Variants in CCDC7 observed in about 807,000 individuals in gnomAD.
CCDC7 encodes the protein coiled-coil domain-containing protein 7.
CCDC7 carries 183 observed loss-of-function variants against 196.9 expected under a neutral mutation model. The ratio of observed to expected loss-of-function variants is 0.93; its 90% confidence interval spans 0.82 to 1.05. The LOEUF is 1.05. CCDC7 is among the 50% of genes least tolerant of loss of function. CCDC7 has a pLI of 0.00. For missense variants in CCDC7, 1,540 were observed against 1,482.2 expected (o/e 1.04, Z -0.64); for synonymous variants, 525 against 484.6 (o/e 1.08, Z -1.10).
intron 29 of CCDC7, among the ~76,000 whole-genome samples, chr10:32,779,403 C>T (rs1167507539): frequency 1.3e-5 from 2 of 152,134 alleles, no homozygotes. Context: ...TCCTTGAGGA[C>T]ATAGTTGTAA....
chr10:32,778,250 T>G (rs1414353748), intron 28 of CCDC7, among the ~76,000 whole-genome samples: 1 of 152,194 alleles, frequency 6.6e-6, no homozygotes, highest in Non-Finnish European at 1.5e-5. Context: ...TAGCCATACA[T>G]TCTTTGCCAA....
chr10:32,793,991 A>G (rs987728061), intron 29 of CCDC7, among the ~76,000 whole-genome samples: 2 of 152,114 alleles, frequency 1.3e-5, no homozygotes, highest in African/African-American at 2.4e-5. Context: ...GGTTCAGGGT[A>G]TATGTGGAGG....
At chr10:32,515,475 C>G (rs2046866568) in intron 9 of CCDC7, among the ~76,000 whole-genome samples, 2 of 152,140 alleles carry the variant, frequency 1.3e-5, no homozygotes, top group African/African-American at 4.8e-5. Context: ...AAAGAAAAGT[C>G]TTTTTAATAA....
chr10:32,774,109 A>C (rs2079584710), intron 28 of CCDC7, among the ~76,000 whole-genome samples: 1 of 152,174 alleles, frequency 6.6e-6, no homozygotes. Flanking sequence ...GATCAAGAGG[A>C]GGCTTCACAT....
intron 9 of CCDC7, chr10:32,512,452 A>G (rs1248648235): frequency 6.6e-6 from 1 of 152,258 alleles, no homozygotes; most frequent in Admixed American, 6.5e-5. Flanking sequence ...TAATTCTAAC[A>G]TGGCAAATTC....
At chr10:32,683,346 G>T (rs933274174) in intron 21 of CCDC7, among the ~76,000 whole-genome samples, 8 of 152,162 alleles carry the variant, frequency 5.3e-5, no homozygotes, top group African/African-American at 1.9e-4. Context: ...CATTTCCTTG[G>T]TCTATGTGTA....
intron 23 of CCDC7, among the ~76,000 whole-genome samples, chr10:32,690,877 T>C (rs947768223): frequency 1.3e-5 from 2 of 152,186 alleles, no homozygotes; most frequent in Non-Finnish European, 2.9e-5. Flanking sequence ...AAATGGAGTT[T>C]TGCAGTTGTC....
At chr10:32,742,342 C>T (rs2086000007) in intron 28 of CCDC7, among the ~76,000 whole-genome samples, 1 of 152,142 alleles carries the variant, frequency 6.6e-6, no homozygotes, top group Non-Finnish European at 1.5e-5. Flanking sequence ...ACTGACACCA[C>T]ATTATCACCC....
At chr10:32,724,304 G>A (rs2082814126) in intron 25 of CCDC7, among the ~76,000 whole-genome samples, 1 of 152,080 alleles carries the variant, frequency 6.6e-6, no homozygotes. Context: ...GATCCTCGGG[G>A]TTCTTTTCTT....
exon 20 of CCDC7, chr10:32,635,076 A>G: frequency 2.5e-6 from 1 of 398,750 alleles, no homozygotes; most frequent in Non-Finnish European, 4.4e-6. Flanking sequence ...CAACCCCACA[A>G]TTGCCTGAGG....
At chr10:32,515,601 T>C (rs1208858544) in intron 9 of CCDC7, among the ~76,000 whole-genome samples, 1 of 152,172 alleles carries the variant, frequency 6.6e-6, no homozygotes, top group Non-Finnish European at 1.5e-5. Flanking sequence ...TGGAGTGCAG[T>C]GGCACAATCT....
At chr10:32,463,148 G>C in intron 5 of CCDC7, 99 bp downstream of exon 6, 3 of 1,443,930 alleles carry the variant, frequency 2.1e-6, no homozygotes, top group Non-Finnish European at 2.8e-6. Flanking sequence ...AGTCATTTTT[G>C]AATAACTGTT....
intron 41 of CCDC7, among the ~76,000 whole-genome samples, chr10:32,858,870 A>G (rs148689134): frequency 0.012 from 1,775 of 152,284 alleles, 22 homozygotes; most frequent in South Asian, 0.019. Flanking sequence ...AGAGCTAACT[A>G]TCCTAAATAT....
intron 11 of CCDC7, among the ~76,000 whole-genome samples, chr10:32,542,581 C>T (rs2051641283): frequency 2.9e-5 from 4 of 135,900 alleles, no homozygotes; most frequent in Admixed American, 8.8e-5. Flanking sequence ...TGCAGTGAGC[C>T]GAGATCATGC....
chr10:32,454,607 A>C (rs1233475733), intron 2 of CCDC7, among the ~76,000 whole-genome samples: 4 of 152,134 alleles, frequency 2.6e-5, no homozygotes, highest in South Asian at 4.1e-4. Context: ...AAATAAAATA[A>C]AATGAAATTA....
chr10:32,755,522 A>T (rs1468246339), intron 28 of CCDC7, among the ~76,000 whole-genome samples: 2 of 152,126 alleles, frequency 1.3e-5, no homozygotes, highest in Non-Finnish European at 2.9e-5. Context: ...ACTCCAACAG[A>T]CCTGCAGCTG....
intron 13 of CCDC7, among the ~76,000 whole-genome samples, chr10:32,544,623 C>G (rs1326586652): frequency 4.6e-5 from 7 of 152,118 alleles, no homozygotes; most frequent in Non-Finnish European, 1.5e-5. Context: ...CAGCAACTTA[C>G]TGATTATATG....
intron 28 of CCDC7, among the ~76,000 whole-genome samples, chr10:32,753,119 A>G (rs554756427): frequency 1.3e-5 from 2 of 152,298 alleles, no homozygotes; most frequent in Admixed American, 6.5e-5. Context: ...TCAAACATCT[A>G]TTTTGTAGCT....
intron 16 of CCDC7, among the ~76,000 whole-genome samples, chr10:32,582,012 C>A (rs1013258761): frequency 6.7e-6 from 1 of 149,054 alleles, no homozygotes; most frequent in Non-Finnish European, 1.5e-5. Flanking sequence ...AGGAAGCCAG[C>A]TATTCTCTTT....
Sources: gnomAD v4.1 joint callset for allele counts (sites outside exome capture counted in the v4.1 genomes callset) on GRCh38, gnomAD v4.1.1 for gene constraint, MANE v1.5 for transcripts, NCBI Gene and HGNC (gene_info 2026-07-23, HGNC 2026-07-21) for gene names.